The following TRPC3 variants were observed in gnomAD, a reference collection of about 807,000 sequenced individuals.
TRPC3 encodes transient receptor potential cation channel subfamily C member 3, also known as short transient receptor potential channel 3.
In TRPC3, 54 loss-of-function variants were observed where a neutral mutation model predicts 90.9. The observed-to-expected ratio is 0.59, with a 90% confidence interval of 0.48 to 0.75. TRPC3 has a LOEUF of 0.75. Ranked by LOEUF, TRPC3 falls within the 30% of genes least tolerant of loss-of-function variation. The pLI is 0.00. For synonymous variants in TRPC3, 424 were observed against 450.9 expected (o/e 0.94, Z 0.75); for missense variants, 918 against 1,194.5 (o/e 0.77, Z 3.41).
At position 121,951,436 on chromosome 4, in the gene TRPC3, G is replaced by A. The variant is rs1222286125; in HGVS notation, c.215+30C>T. 43 of 1,184,942 alleles carry A rather than the reference G, an allele frequency of 3.6e-5. 1 individual carries two copies. Among genetic ancestry groups the A allele is most frequent in the Non-Finnish European group, 4.3e-5 (41 of 957,070 alleles). The allele number at this position is 1,184,942 out of a possible 1,614,324, so 73.4% of individuals were successfully genotyped here. ...CCCCCGCCCGGCACCGCCCTCCGAGGCGCGGGCCGCGGCCGGGCCCGGTAC... is the reference window on the plus strand; with the variant it reads ...CCCCCGCCCGGCACCGCCCTCCGAGACGCGGGCCGCGGCCGGGCCCGGTAC... On this transcript the variant is annotated intron_variant, in intron 1 of 11. Coordinates refer to ENST00000379645, the MANE Select transcript of TRPC3 (RefSeq NM_001130698.2). The surrounding 1 kb of genome is among the most constrained non-coding windows in gnomAD (Gnocchi z 4.4).
At chr4:121,901,383 G>T (rs1490570605) in intron 9 of TRPC3, among the ~76,000 whole-genome samples, 1 of 152,166 alleles carries the variant, frequency 6.6e-6, no homozygotes, top group Non-Finnish European at 1.5e-5. Context: ...GTGGACTCAG[G>T]TGCTGAACAT....
At chr4:121,945,585 T>C (rs550704052) in intron 1 of TRPC3, among the ~76,000 whole-genome samples, 1 of 152,064 alleles carries the variant, frequency 6.6e-6, no homozygotes, top group Non-Finnish European at 1.5e-5. Flanking sequence ...GCAAAAAAAA[T>C]TCCAGAAAGT....
chr4:121,925,027 T>G lies in TRPC3; in HGVS notation c.1167A>C (p.Glu389Asp). The G allele has an allele frequency of 6.2e-7, 1 of 1,612,724 alleles. No homozygotes were observed. The highest frequency in any genetic ancestry group is 8.5e-7 in the Non-Finnish European group (1 of 1,179,424). Residue 389 changes from glutamate (E) to aspartate (D), a missense_variant, in exon 3 of 12, where the codon GAA (glutamate) becomes GAC (aspartate). By Grantham distance (45) the Glu-to-Asp change is conservative. Coordinates refer to ENST00000379645, the MANE Select transcript of TRPC3 (RefSeq NM_001130698.2). ...LSRVKLAIKY[E>D]VKKFVAHPNC... ...AAGTAGGCCCACTCACCTTTTTGAC[T>G]TCATACTTAATGGCAAGTTTGACAC...
chr4:121,938,173 T>A (rs1730194377), intron 1 of TRPC3, among the ~76,000 whole-genome samples: 1 of 152,144 alleles, frequency 6.6e-6, no homozygotes, highest in South Asian at 2.1e-4. Context: ...TAAATATCTG[T>A]TTAGTTGAGT....
At chr4:121,912,243 CT>C in intron 4 of TRPC3, 150 bp from the exon 5 acceptor site, 1 of 641,714 alleles carries the variant, frequency 1.6e-6, no homozygotes, top group Non-Finnish European at 2.6e-6. Context: ...GAAAAATATT[CT>C]TTTTTAGGGG....
chr4:121,951,477 G>A lies in TRPC3; in HGVS notation c.204C>T (p.His68=), dbSNP rs1355801342. The change falls in exon 1 of 12, where the codon CAC becomes CAT. Residue 68 remains histidine, a synonymous_variant. Transcript: ENST00000379645. This position sits in a 1 kb window ranked among gnomAD's most constrained non-coding sequence, Gnocchi z 4.4. The stretch of plus-strand genomic sequence containing the variant: ...GGCCCGGTACTCACAGGTCCGGCCC[G>A]TGGGAGAAGGGCGGCGGGCAGTAGC... The part of the protein sequence containing the change: ...PHGYCPPPFS[H]GPDLSMEGSP... 1.2e-5 allele frequency: 16 copies of A among 1,314,568 alleles called. No homozygotes were observed. In the African/African-American group the frequency reaches 1.6e-4, roughly 13 times the overall value. The allele number at this position is 1,314,568 out of a possible 1,614,324, so 81.4% of individuals were successfully genotyped here.
chr4:121,951,665 T>C lies in TRPC3; in HGVS notation c.16A>G (p.Arg6Gly). The change falls in exon 1 of 12, where the codon AGG becomes GGG. Residue 6 changes from arginine to glycine, a missense_variant. Coordinates refer to ENST00000379645, the MANE Select transcript of TRPC3 (RefSeq NM_001130698.2). This position sits in a 1 kb window ranked among gnomAD's most constrained non-coding sequence, Gnocchi z 4.4. ...ACCCTTGCTTGTTCTTTGCACTTCC[T>C]GACCTTGGTGGACATCGCGCCGGCT... The part of the protein sequence containing the change: MSTKV[R>G]KCKEQARVTF... 7.4e-7 allele frequency: 1 copy of C among 1,351,586 alleles called. No homozygotes were observed. Among genetic ancestry groups the C allele is most frequent in the Non-Finnish European group, 9.6e-7 (1 of 1,043,270 alleles). The allele number at this position is 1,351,586 out of a possible 1,614,324, so 83.7% of individuals were successfully genotyped here.
chr4:121,918,018 T>C (rs1197033013), intron 3 of TRPC3, among the ~76,000 whole-genome samples: 1 of 152,176 alleles, frequency 6.6e-6, no homozygotes, highest in African/African-American at 2.4e-5. Flanking sequence ...AACATTCAGG[T>C]GCTGTCAATG....
intron 3 of TRPC3, among the ~76,000 whole-genome samples, chr4:121,921,213 T>C (rs920427492): frequency 1.7e-4 from 26 of 152,058 alleles, no homozygotes; most frequent in Non-Finnish European, 5.9e-5. Context: ...GAGTAGGTCT[T>C]GGGCAGAGGG....
chr4:121,934,233 T>C (rs552287298), intron 1 of TRPC3, among the ~76,000 whole-genome samples: 3 of 152,342 alleles, frequency 2.0e-5, no homozygotes, highest in Admixed American at 2.0e-4. Flanking sequence ...TCGAATTTTA[T>C]GAAGTTCTCA....
intron 10 of TRPC3, among the ~76,000 whole-genome samples, chr4:121,898,543 ATTGTC>A (rs1337559522): frequency 3.3e-5 from 5 of 152,172 alleles, no homozygotes; most frequent in Non-Finnish European, 7.4e-5. Flanking sequence ...CTGTGAAAAA[ATTGTC>A]TTCCACAAAA....
At chr4:121,941,281 T>G (rs1344734911) in intron 1 of TRPC3, among the ~76,000 whole-genome samples, 2 of 152,182 alleles carry the variant, frequency 1.3e-5, no homozygotes, top group Non-Finnish European at 2.9e-5. Flanking sequence ...ATTAACCAAC[T>G]ATTCAACCCA....
At chr4:121,943,892 G>A (rs1730403174) in intron 1 of TRPC3, among the ~76,000 whole-genome samples, 2 of 148,046 alleles carry the variant, frequency 1.4e-5, no homozygotes, top group Admixed American at 6.9e-5. Flanking sequence ...CCTATTATTT[G>A]AACAGTGCAA....
At chr4:121,926,570 C>T (rs888761800) in intron 2 of TRPC3, among the ~76,000 whole-genome samples, 1 of 152,054 alleles carries the variant, frequency 6.6e-6, no homozygotes, top group Non-Finnish European at 1.5e-5. Context: ...CCACACCCGG[C>T]TATCTTTTGT....
intron 1 of TRPC3, among the ~76,000 whole-genome samples, chr4:121,939,205 T>A (rs1730225778): frequency 6.6e-6 from 1 of 151,740 alleles, no homozygotes; most frequent in Admixed American, 6.6e-5. Context: ...TCAAGGGGAG[T>A]TCGAGAAGAT....
intron 3 of TRPC3, among the ~76,000 whole-genome samples, chr4:121,922,980 GT>G (rs1729577516): frequency 1.3e-5 from 2 of 152,140 alleles, no homozygotes; most frequent in Non-Finnish European, 2.9e-5. Context: ...GCCATTAATG[GT>G]TGACCAAAAT....
intron 2 of TRPC3, among the ~76,000 whole-genome samples, chr4:121,925,972 G>T (rs1292437259): frequency 6.6e-6 from 1 of 152,080 alleles, no homozygotes; most frequent in Non-Finnish European, 1.5e-5. Context: ...TTTCTATAAT[G>T]GCAATTTTTC....
At chr4:121,919,013 T>C (rs1578633978) in intron 3 of TRPC3, among the ~76,000 whole-genome samples, 1 of 152,242 alleles carries the variant, frequency 6.6e-6, no homozygotes, top group Admixed American at 6.5e-5. Context: ...CTAACTTCAG[T>C]GGACCAGCAA....
chr4:121,927,217 T>A (rs961200780), intron 2 of TRPC3, among the ~76,000 whole-genome samples: 1 of 152,208 alleles, frequency 6.6e-6, no homozygotes, highest in Non-Finnish European at 1.5e-5. Context: ...AATCTTTAAT[T>A]TCATTTGCAT....
Sources: gnomAD v4.1 joint callset for allele counts (sites outside exome capture counted in the v4.1 genomes callset) on GRCh38, gnomAD v4.1.1 for gene constraint, Gnocchi (gnomAD v3.1) non-coding constraint, MANE v1.5 for transcripts, NCBI Gene and HGNC (gene_info 2026-07-23, HGNC 2026-07-21) for gene names.